The following MIGA1 variants were observed in gnomAD, a reference collection of about 807,000 sequenced individuals.
MIGA1 encodes mitoguardin 1, also known as family with sequence similarity 73, member A.
In MIGA1, 58 loss-of-function variants were observed where a neutral mutation model predicts 82.0. That is an observed-to-expected ratio of 0.71 (90% CI 0.57 to 0.88). MIGA1 has a LOEUF of 0.88. Among genes scored for constraint, MIGA1 ranks in the 40% least tolerant of loss-of-function variants. The probability of loss-of-function intolerance (pLI) is 0.00; values close to 1 mark genes in which losing one functional copy is unlikely to be tolerated. For missense variants in MIGA1, 751 were observed against 749.1 expected (o/e 1.00, Z -0.03); for synonymous variants, 249 against 253.6 (o/e 0.98, Z 0.17).
chr1:77,810,791 C>T, intron 5 of MIGA1: 1 of 1,516,072 alleles, frequency 6.6e-7, no homozygotes, highest in Non-Finnish European at 9.0e-7. Context: ...GGTGAATATG[C>T]TACACAGAGC....
At chr1:77,826,809 CT>C (rs937425038) in intron 7 of MIGA1, among the ~76,000 whole-genome samples, 21 of 146,334 alleles carry the variant, frequency 1.4e-4, no homozygotes, top group East Asian at 9.9e-4. Context: ...CAAAAAGAGC[CT>C]TTTTTTTTTT....
At chr1:77,817,748 A>G (rs752654373) in intron 7 of MIGA1, among the ~76,000 whole-genome samples, 1 of 152,172 alleles carries the variant, frequency 6.6e-6, no homozygotes, top group Non-Finnish European at 1.5e-5. Context: ...AAATCATTGT[A>G]TACATTTAAC....
chr1:77,842,584 G>T (rs1433238344), intron 7 of MIGA1, among the ~76,000 whole-genome samples: 1 of 152,136 alleles, frequency 6.6e-6, no homozygotes, highest in Admixed American at 6.6e-5. Flanking sequence ...GCCTTGATCT[G>T]TCCCCCTGGC....
intron 8 of MIGA1, among the ~76,000 whole-genome samples, chr1:77,843,801 A>G (rs1164256090): frequency 6.6e-6 from 1 of 152,110 alleles, no homozygotes; most frequent in Admixed American, 6.6e-5. Flanking sequence ...TTATATATAT[A>G]TAAATATTCA....
rs199799238 is a variant in MIGA1 at position 77,807,079 on chromosome 1, T to G, written c.615T>G (p.Thr205=). 1.5e-5 allele frequency: 24 copies of G among 1,592,194 alleles called. No individual in the cohort carries two copies. The East Asian group carries it at 4.9e-4, about 33-fold the overall frequency. ...AACTTGTTAATATTCCTGTGACTAC[T>G]CCAGAGAACTTATACTTAATGGGTA... Residue 205 remains threonine (T), a synonymous_variant, in exon 5 of 16, where the codon ACT becomes ACG. Coordinates refer to ENST00000370791, the MANE Select transcript of MIGA1 (RefSeq NM_198549.4).
At chr1:77,779,865 G>T in intron 1 of MIGA1, 129 bp downstream of exon 1, 4 of 1,431,318 alleles carry the variant, frequency 2.8e-6, no homozygotes, top group Non-Finnish European at 3.6e-6. Context: ...GTTAGCTCTC[G>T]GAGTGCCAGG....
At chr1:77,821,390 A>ATTT (rs199521038) in intron 7 of MIGA1, among the ~76,000 whole-genome samples, 1 of 137,618 alleles carries the variant, frequency 7.3e-6, no homozygotes, top group Non-Finnish European at 1.6e-5. Context: ...ATAGTTTTAG[A>ATTT]TTTTTTTTTT....
At chr1:77,868,052 G>C (rs1257775550) in intron 14 of MIGA1, among the ~76,000 whole-genome samples, 1 of 152,152 alleles carries the variant, frequency 6.6e-6, no homozygotes, top group Non-Finnish European at 1.5e-5. Context: ...TTTCCCATTT[G>C]CAAAATGGTG....
At chr1:77,849,375 C>T (rs190737589) in intron 8 of MIGA1, among the ~76,000 whole-genome samples, 10 of 152,122 alleles carry the variant, frequency 6.6e-5, no homozygotes, top group Middle Eastern at 6.8e-3. Flanking sequence ...CCAACCTGGG[C>T]GACAGCGGGA....
intron 2 of MIGA1, among the ~76,000 whole-genome samples, chr1:77,794,228 C>G (rs1351461327): frequency 6.6e-6 from 1 of 152,152 alleles, no homozygotes; most frequent in East Asian, 1.9e-4. Flanking sequence ...CTAAGATTAA[C>G]ATTGTAATCT....
At chr1:77,829,661 G>A (rs914071617) in intron 7 of MIGA1, among the ~76,000 whole-genome samples, 11 of 152,152 alleles carry the variant, frequency 7.2e-5, no homozygotes, top group Admixed American at 1.3e-4. Context: ...AGTAGAGACG[G>A]GGTTTCACCA....
At chr1:77,843,837 A>G (rs1684716260) in intron 8 of MIGA1, among the ~76,000 whole-genome samples, 1 of 151,992 alleles carries the variant, frequency 6.6e-6, no homozygotes, top group Non-Finnish European at 1.5e-5. Context: ...AGTGGCTTAC[A>G]ACTGTATTCC....
intron 7 of MIGA1, among the ~76,000 whole-genome samples, chr1:77,824,252 T>C (rs2101834550): frequency 6.6e-6 from 1 of 152,330 alleles, no homozygotes; most frequent in South Asian, 2.1e-4. Context: ...AGCTGTGCTG[T>C]CATCTGTGTT....
chr1:77,866,744 C>T (rs554490998), intron 14 of MIGA1, among the ~76,000 whole-genome samples: 10 of 145,780 alleles, frequency 6.9e-5, no homozygotes, highest in East Asian at 4.0e-4. Context: ...AGTGTGGTGG[C>T]GCGATCCTGG....
intron 7 of MIGA1, among the ~76,000 whole-genome samples, chr1:77,826,938 G>C (rs1458888416): frequency 6.7e-6 from 1 of 150,168 alleles, no homozygotes; most frequent in Admixed American, 6.7e-5. Flanking sequence ...CCGAGTAACT[G>C]GGATTAAAAG....
At chr1:77,866,139 T>A (rs1685655640) in intron 13 of MIGA1, among the ~76,000 whole-genome samples, 199 bp from the exon 14 acceptor site, 1 of 152,042 alleles carries the variant, frequency 6.6e-6, no homozygotes, top group South Asian at 2.1e-4. Context: ...ATGGTCTCCA[T>A]CTCTTGACCT....
Position 77,874,983 on chromosome 1 carries a change from T to C in MIGA1, c.1818T>C (p.Asp606=), listed in dbSNP as rs77222879. The change falls in exon 16 of 16, where the codon GAT becomes GAC. Residue 606 remains aspartate (D), a synonymous_variant. Coordinates refer to ENST00000370791, the MANE Select transcript of MIGA1 (RefSeq NM_198549.4). ...TTTTAATGGCCTATCTTGAAGCAGATGCCCTGAGGCATACAAGTAGTTGTC... is the reference window on the plus strand; with the variant it reads ...TTTTAATGGCCTATCTTGAAGCAGACGCCCTGAGGCATACAAGTAGTTGTC... The C allele has an allele frequency of 7.8e-4, 1,264 of 1,614,202 alleles. 9 individuals carry two copies. The African/African-American group carries it at 0.012, about 15-fold the overall frequency.
chr1:77,868,236 T>C (rs60121881), intron 14 of MIGA1: 7 of 152,358 alleles, frequency 4.6e-5, no homozygotes, highest in African/African-American at 1.7e-4. Context: ...TGTACTTTTT[T>C]TTCTTTTTGA....
rs1235330243 is a variant in MIGA1, at chr1:77,820,070, CT to C, written c.895+4843del. Among the ~76,000 whole-genome samples, 3 of 148,534 alleles carry C rather than the reference CT, an allele frequency of 2.0e-5. No individual in the cohort carries two copies. The East Asian group carries it at 6.0e-4, about 30-fold the overall frequency. The stretch of plus-strand genomic sequence containing the variant: ...TTCCACAGCTGACAGAGTAAGGAGA[CT>C]TTTATTTCTGGTGGTGGTATGCTTT... On this transcript the variant is annotated intron_variant, in intron 7 of 15. Coordinates refer to ENST00000370791, the MANE Select transcript of MIGA1 (RefSeq NM_198549.4).
Sources: allele counts gnomAD v4.1 joint callset (sites outside exome capture counted in the v4.1 genomes callset), GRCh38; gene constraint gnomAD v4.1.1; transcripts MANE v1.5; gene names NCBI Gene and HGNC (gene_info 2026-07-23, HGNC 2026-07-21).